RERE: variants seen among roughly 807,000 people sequenced by gnomAD.
The protein encoded by RERE is arginine-glutamic acid dipeptide repeats protein.
Under a neutral mutation model 146.1 loss-of-function variants are expected in RERE, and 40 were observed. The observed-to-expected ratio is 0.27, with a 90% CI of 0.21 to 0.36. RERE has a LOEUF of 0.36. Among genes scored for constraint, RERE ranks in the 10% least tolerant of loss-of-function variants. RERE has a pLI of 1.00. For missense variants in RERE, 1,933 were observed against 2,138.7 expected, an observed-to-expected ratio of 0.90 and a Z score of 1.90; for synonymous variants, 1,003 against 866.0, an observed-to-expected ratio of 1.16 and a Z score of -2.78.
In RERE at chr1:8,550,210, A is replaced by G. The variant is rs560140182; in HGVS notation, c.725+6265T>C. Among the ~76,000 whole-genome samples the G allele has an allele frequency of 5.9e-5, 9 of 152,340 alleles. No individual in the cohort carries two copies. In the East Asian group the frequency reaches 1.2e-3, roughly 20 times the overall value. On this transcript the variant is annotated intron_variant, in intron 6 of 22. Transcript: ENST00000400908. The stretch of plus-strand genomic sequence containing the variant: ...CCAAATAAAAGAAAGTTTTTCAAAT[A>G]CTATGAAGTACTCAAGGGCAGACGG...
chr1:8,354,210 T>C lies in RERE; in HGVS notation c.*877A>G, dbSNP rs1165949402. 2 of 152,476 alleles carry C rather than the reference T, an allele frequency of 1.3e-5. No individual in the cohort carries two copies. The highest frequency in any genetic ancestry group is 2.4e-5 in the African/African-American group (1 of 41,424). 9.4% of individuals were successfully genotyped at this position (152,476 alleles called of 1,614,324 possible). A position where few individuals can be genotyped will look rare whatever the true frequency, so the allele number is the denominator to read the frequency against. The stretch of plus-strand genomic sequence containing the variant: ...CACCTCCTGCACTCCCTGTGCAAAA[T>C]GGAAGAGGTCTGATGGAGCAGATGT... On this transcript the variant is annotated 3_prime_UTR_variant, in exon 23 of 23. Transcript: ENST00000400908.
At chr1:8,431,286 G>A (rs1047781370) in intron 11 of RERE, among the ~76,000 whole-genome samples, 1 of 152,098 alleles carries the variant, frequency 6.6e-6, no homozygotes, top group African/African-American at 2.4e-5. Flanking sequence ...CATCAGCAGC[G>A]GCATTAGATT....
At chr1:8,569,810 T>A (rs1183963748) in intron 4 of RERE, among the ~76,000 whole-genome samples, 2 of 151,046 alleles carry the variant, frequency 1.3e-5, no homozygotes, top group Non-Finnish European at 3.0e-5. Flanking sequence ...TAGGATCTCC[T>A]GAGCCCAACA....
intron 7 of RERE, among the ~76,000 whole-genome samples, chr1:8,527,453 ACTAT>A (rs765408589): frequency 1.8e-4 from 27 of 152,252 alleles, no homozygotes; most frequent in South Asian, 6.2e-4. Flanking sequence ...AAAAAAACAA[ACTAT>A]CTAACCCTTT....
At position 8,817,591 on chromosome 1, in the gene RERE, G is replaced by A. The variant is rs149512075; in HGVS notation, c.-576C>T. On this transcript the variant is annotated 5_prime_UTR_variant, in exon 1 of 23. Coordinates refer to ENST00000400908, the MANE Select transcript of RERE (RefSeq NM_001042681.2). ...CAGCGGGGCGAGCGTCTCGGGGTGT[G>A]CGGGAGGCTGAGGAGGCTCCGGAGC... The A allele has an allele frequency of 3.2e-3, 490 of 151,250 alleles. 1 individual carries two copies. The highest frequency in any genetic ancestry group is 5.3e-3 in the Non-Finnish European group (356 of 67,792). The allele number at this position is 151,250 out of a possible 1,614,324, so 9.4% of individuals were successfully genotyped here. A position where few individuals can be genotyped will look rare whatever the true frequency, so the allele number is the denominator to read the frequency against.
At chr1:8,527,806 G>A (rs934476877) in intron 7 of RERE, among the ~76,000 whole-genome samples, 41 of 151,756 alleles carry the variant, frequency 2.7e-4, no homozygotes, top group African/African-American at 8.7e-4. Context: ...CAGGGGCAGC[G>A]TACCCCAGCG....
At chr1:8,595,662 A>G (rs1646547300) in intron 4 of RERE, among the ~76,000 whole-genome samples, 1 of 152,214 alleles carries the variant, frequency 6.6e-6, no homozygotes, top group Non-Finnish European at 1.5e-5. Context: ...CCTAGCATTT[A>G]AACATGTTAT....
intron 1 of RERE, among the ~76,000 whole-genome samples, chr1:8,734,855 C>T (rs924614399): frequency 2.6e-5 from 4 of 151,916 alleles, no homozygotes; most frequent in African/African-American, 9.7e-5. Context: ...TCTGGAATGG[C>T]CTTCCTTCAC....
At chr1:8,554,247 G>GC (rs1285589754) in intron 6 of RERE, among the ~76,000 whole-genome samples, 1 of 152,172 alleles carries the variant, frequency 6.6e-6, no homozygotes, top group African/African-American at 2.4e-5. Flanking sequence ...TTGATTTTAA[G>GC]CATTTATGTC....
intron 11 of RERE, among the ~76,000 whole-genome samples, chr1:8,442,906 T>G (rs1451306059): frequency 6.6e-6 from 1 of 152,170 alleles, no homozygotes; most frequent in African/African-American, 2.4e-5. Flanking sequence ...AAAGTCACCC[T>G]TGTGATGTCC....
rs67724601 is a variant in RERE, at chr1:8,575,534, AATATAT to A, written c.523-18017_523-18012del. 3.4e-3 allele frequency among the ~76,000 whole-genome samples: 387 copies of A among 113,978 alleles called. 1 individual carries two copies. The highest frequency in any genetic ancestry group is 4.4e-3 in the Middle Eastern group (1 of 226). 74.8% of individuals were successfully genotyped at this position (113,978 alleles called of 152,430 possible). A position where few individuals can be genotyped will look rare whatever the true frequency, so the allele number is the denominator to read the frequency against. ...CTGTGCCACCACACCTGGCTAATTTAATATATATATATATATATATATATATATTTT... is the reference window on the plus strand; with the variant it reads ...CTGTGCCACCACACCTGGCTAATTTAATATATATATATATATATATATTTT... On this transcript the variant is annotated intron_variant, in intron 4 of 22. Transcript: ENST00000400908.
Position 8,356,324 on chromosome 1 carries a change from T to C in RERE, c.4340-78A>G. 5.1e-6 allele frequency: 7 copies of C among 1,383,772 alleles called. No individual in the cohort carries two copies. In the East Asian group the frequency reaches 9.3e-5, roughly 18 times the overall value. The allele number at this position is 1,383,772 out of a possible 1,614,324, so 85.7% of individuals were successfully genotyped here. Reference sequence around the variant, plus strand: ...TGTCCCCCTTGGCTGGAATGACCGATGACTTCCTCCTCACCCAGGATGGCT... The same window carrying C: ...TGTCCCCCTTGGCTGGAATGACCGACGACTTCCTCCTCACCCAGGATGGCT... On this transcript the variant is annotated intron_variant, in intron 20 of 22. Transcript: ENST00000400908. The surrounding 1 kb of genome is among the most constrained non-coding windows in gnomAD (Gnocchi z 5.2).
rs1233218373 is a variant in RERE, at chr1:8,703,400, C to A, written c.-144-46959G>T. ...AGGCCGGGCCAGCACTGCCACATGC[C>A]GGTGACCCAGACGCCGGGAGAGAAA... is the stretch of plus-strand genomic sequence containing the variant. On this transcript the variant is annotated intron_variant, in intron 1 of 22. Coordinates refer to ENST00000400908, the MANE Select transcript of RERE (RefSeq NM_001042681.2). Among the ~76,000 whole-genome samples, 13 of 151,776 alleles carry A rather than the reference C, an allele frequency of 8.6e-5. No homozygotes were observed. The East Asian group carries it at 2.3e-3, about 27-fold the overall frequency.
chr1:8,657,167 T>G (rs1180209591), intron 1 of RERE, among the ~76,000 whole-genome samples: 1 of 151,760 alleles, frequency 6.6e-6, no homozygotes, highest in African/African-American at 2.4e-5. Flanking sequence ...TAGCTGGGTG[T>G]GGTGGCGGGC....
intron 1 of RERE, among the ~76,000 whole-genome samples, chr1:8,662,699 T>A (rs1257061728): frequency 1.3e-5 from 2 of 151,646 alleles, no homozygotes; most frequent in Non-Finnish European, 1.5e-5. Context: ...CCCTGTCTCT[T>A]AAAAAACAAA....
intron 7 of RERE, among the ~76,000 whole-genome samples, chr1:8,529,777 G>A (rs559335530): frequency 2.0e-5 from 3 of 152,298 alleles, no homozygotes; most frequent in Admixed American, 2.0e-4. Context: ...CTCCTGGTCA[G>A]AGAATCTCAA....
At chr1:8,634,909 G>A (rs892455810) in intron 2 of RERE, among the ~76,000 whole-genome samples, 1 of 152,046 alleles carries the variant, frequency 6.6e-6, no homozygotes, top group Non-Finnish European at 1.5e-5. Context: ...CTAATTTTTT[G>A]TATTTTTAGT....
intron 1 of RERE, among the ~76,000 whole-genome samples, chr1:8,746,986 C>G (rs541741098): frequency 6.6e-6 from 1 of 151,126 alleles, no homozygotes; most frequent in South Asian, 2.1e-4. Flanking sequence ...AAGTCCCAAG[C>G]AGAAGAGGGA....
At chr1:8,548,569 A>T (rs886189975) in intron 6 of RERE, among the ~76,000 whole-genome samples, 1 of 152,240 alleles carries the variant, frequency 6.6e-6, no homozygotes, top group African/African-American at 2.4e-5. Context: ...TGGGTTACAA[A>T]TTCTGAAACT....
Sources: allele counts gnomAD v4.1 joint callset (sites outside exome capture counted in the v4.1 genomes callset), GRCh38; gene constraint gnomAD v4.1.1; non-coding constraint Gnocchi (gnomAD v3.1); transcripts MANE v1.5; gene names NCBI Gene and HGNC (gene_info 2026-07-23, HGNC 2026-07-21).